Variants in FGFR3 observed in about 807,000 individuals in gnomAD.
FGFR3 encodes the protein fibroblast growth factor receptor 3.
FGFR3 carries 25 observed loss-of-function variants against 82.9 expected under a neutral mutation model. The ratio of observed to expected loss-of-function variants is 0.30; its 90% CI spans 0.22 to 0.42. The LOEUF (loss-of-function observed/expected upper bound fraction) is 0.42. Ranked by LOEUF, FGFR3 falls within the 10% of genes least tolerant of loss-of-function variation. FGFR3 has a pLI of 1.00. For missense variants in FGFR3, 1,026 were observed against 1,161.0 expected, an observed-to-expected ratio of 0.88 and a Z score of 1.69; for synonymous variants, 620 against 516.0, an observed-to-expected ratio of 1.20 and a Z score of -2.73.
Position 1,801,118 on chromosome 4 carries a change from C to T in FGFR3, c.446-249C>T, listed in dbSNP as rs550286133. On this transcript the variant is annotated intron_variant, in intron 4 of 17. Transcript: ENST00000440486. ...GGGCTCCCCTGGACAATGCCCTGTG[C>T]CCTGTGACTTCACAGGTCCGGGCAG... Among the ~76,000 whole-genome samples the T allele has an allele frequency of 7.2e-5, 11 of 152,288 alleles. No individual in the cohort carries two copies. In the South Asian group the frequency reaches 2.3e-3, roughly 32 times the overall value.
chr4:1,799,180 G>A, intron 2 of FGFR3, 74 bp from the exon 3 acceptor site: 1 of 1,604,796 alleles, frequency 6.2e-7, no homozygotes, highest in Non-Finnish European at 8.5e-7. Context: ...GGCCGCCGAG[G>A]CTTCCACTGC....
At chr4:1,799,128 C>T in intron 2 of FGFR3, 126 bp from the exon 3 acceptor site, 1 of 1,340,674 alleles carries the variant, frequency 7.5e-7, no homozygotes. Context: ...AGCCCCTGGT[C>T]TGGTGGGACC....
In FGFR3 at chr4:1,801,994, C is replaced by T. The variant is rs780313125; in HGVS notation, c.899C>T (p.Pro300Leu). The T allele has an allele frequency of 1.2e-5, 20 of 1,612,440 alleles. No homozygotes were observed. The highest frequency in any genetic ancestry group is 6.7e-5 in the African/African-American group (5 of 74,906). Residue 300 changes from proline (P) to leucine (L), a missense_variant, in exon 7 of 18, where the codon CCG (proline) becomes CTG (leucine). This residue lies in a region of FGFR3 where 147 missense variants were observed against 228.1 expected (regional missense o/e 0.64). Transcript: ENST00000440486. ...HVEVNGSKVGPDGTPYVTVLK... is the reference protein window; with the variant it reads ...HVEVNGSKVGLDGTPYVTVLK... ...GAGGTGAATGGCAGCAAGGTGGGCC[C>T]GGACGGCACACCCTACGTTACCGTG...
intron 7 of FGFR3, 23 bp downstream of exon 7, chr4:1,802,048 G>C (rs781597627): frequency 5.6e-6 from 9 of 1,602,846 alleles, no homozygotes; most frequent in Non-Finnish European, 7.7e-6. Flanking sequence ...GTGCACGTGG[G>C]TGCCGCCGCT....
At chr4:1,799,834 C>T (rs1032368406) in intron 4 of FGFR3, 22 bp downstream of exon 4, 3 of 1,611,384 alleles carry the variant, frequency 1.9e-6, no homozygotes, top group African/African-American at 2.7e-5. Flanking sequence ...GTCCAGGGTT[C>T]AGGCCAGCCG....
At chr4:1,793,807 AACG>A (rs1720129096) in intron 1 of FGFR3, 23 bp from the exon 2 acceptor site, 2 of 173,622 alleles carry the variant, frequency 1.2e-5, no homozygotes, top group African/African-American at 4.8e-5. Context: ...CCGCCCCTCT[AACG>A]AGCTGCCTTC....
intron 2 of FGFR3, among the ~76,000 whole-genome samples, chr4:1,794,266 G>T (rs1209520771): frequency 6.6e-6 from 1 of 152,224 alleles, no homozygotes; most frequent in East Asian, 1.9e-4. Context: ...AGGCCACCAC[G>T]GGGAGCCAGG....
rs376969042 is a variant in FGFR3 at position 1,798,715 on chromosome 4, T to C, written c.110-539T>C. ...GGCTCATATGGGGTGCGGGGGCTAC[T>C]GAGGACGGACCCCTCCTGGGGTGAA... is the stretch of plus-strand genomic sequence containing the variant. On this transcript the variant is annotated intron_variant, in intron 2 of 17. Transcript: ENST00000440486. Among the ~76,000 whole-genome samples, 50 of 152,216 alleles carry C rather than the reference T, an allele frequency of 3.3e-4. No individual in the cohort carries two copies. The South Asian group carries it at 8.5e-3, about 26-fold the overall frequency.
chr4:1,803,259 A>G (rs1577280663), intron 7 of FGFR3: 6 of 665,040 alleles, frequency 9.0e-6, no homozygotes, highest in Non-Finnish European at 1.1e-5. Flanking sequence ...GCCTGCGCCG[A>G]CCCTTCCCGC....
intron 4 of FGFR3, 114 bp from the exon 5 acceptor site, chr4:1,801,253 C>A (rs1399397575): frequency 1.7e-6 from 2 of 1,207,652 alleles, no homozygotes; most frequent in Non-Finnish European, 2.3e-6. Flanking sequence ...TCTTCCTACA[C>A]AGGACGGGAA....
rs1331865284 is a variant in FGFR3, at chr4:1,807,962, C to T, written c.*700C>T. 7.9e-6 allele frequency: 2 copies of T among 251,790 alleles called. No homozygotes were observed. The highest frequency in any genetic ancestry group is 1.5e-5 in the Non-Finnish European group (2 of 129,486). The allele number at this position is 251,790 out of a possible 1,614,324, so 15.6% of individuals were successfully genotyped here. ...GCTGGTACAACGGAGGCCTGCGACCCTGGGGGCACAGGAGGCAGGCATGGC... is the reference window on the plus strand; with the variant it reads ...GCTGGTACAACGGAGGCCTGCGACCTTGGGGGCACAGGAGGCAGGCATGGC... On this transcript the variant is annotated 3_prime_UTR_variant, in exon 18 of 18. Coordinates refer to ENST00000440486, the MANE Select transcript of FGFR3 (RefSeq NM_000142.5).
rs17879364 is a variant in FGFR3, at chr4:1,807,267, C to G, written c.*5C>G. On this transcript the variant is annotated 3_prime_UTR_variant, in exon 18 of 18. Transcript: ENST00000440486. ...AGTGGGGGCTCGCGGACGTGAAGGG[C>G]CACTGGTCCCCAACAATGTGAGGGG... The G allele has an allele frequency of 3.5e-4, 561 of 1,591,548 alleles. 2 individuals carry two copies. The African/African-American group carries it at 6.8e-3, about 19-fold the overall frequency.
At chr4:1,806,234 A>G (rs1577292079) in intron 14 of FGFR3, 23 bp from the exon 15 acceptor site, 1 of 1,612,532 alleles carries the variant, frequency 6.2e-7, no homozygotes, top group Non-Finnish European at 8.5e-7. Flanking sequence ...TGGCGCCAAC[A>G]CCGCCTTCCC....
rs1212733931 is a variant in FGFR3, at chr4:1,803,832, G to T, written c.1071G>T (p.Leu357=). The change falls in exon 8 of 18, where the codon CTG becomes CTT. Residue 357 remains leucine, a synonymous_variant. Transcript: ENST00000440486. The part of the protein sequence containing the change: ...FSHHSAWLVV[L]PAEEELVEAD... ...ATCACTCTGCGTGGCTGGTGGTGCT[G>T]CCAGGTACCGGCTTCTGCTGCTGCT... 8 of 1,613,728 alleles carry T rather than the reference G, an allele frequency of 5.0e-6. No homozygotes were observed. Among genetic ancestry groups the T allele is most frequent in the Non-Finnish European group, 6.8e-6 (8 of 1,179,936 alleles).
rs978777215 is a variant in FGFR3, at chr4:1,805,216, G to C, written c.1413-139G>C. The C allele has an allele frequency of 2.0e-6, 3 of 1,491,834 alleles. No individual in the cohort carries two copies. The African/African-American group carries it at 4.1e-5, about 20-fold the overall frequency. The allele number at this position is 1,491,834 out of a possible 1,614,324, so 92.4% of individuals were successfully genotyped here. ...GTGACACTCTTCGTCCTTACGAGCA[G>C]GCTGTAGGGGGAGCATGGAGGGCTT... On this transcript the variant is annotated intron_variant, in intron 10 of 17. Coordinates refer to ENST00000440486, the MANE Select transcript of FGFR3 (RefSeq NM_000142.5).
Position 1,796,589 on chromosome 4 carries a change from G to C in FGFR3, c.109+2546G>C, listed in dbSNP as rs561880015. On this transcript the variant is annotated intron_variant, in intron 2 of 17. Coordinates refer to ENST00000440486, the MANE Select transcript of FGFR3 (RefSeq NM_000142.5). ...GGAAGCGAGTCTGGATTTGATCCTT[G>C]TTCTCTGGGGTCAACCCGAGGGGCT... Among the ~76,000 whole-genome samples the C allele has an allele frequency of 2.0e-5, 3 of 152,246 alleles. No individual in the cohort carries two copies. In the South Asian group the frequency reaches 6.2e-4, roughly 32 times the overall value.
intron 2 of FGFR3, 38 bp downstream of exon 2, chr4:1,794,081 C>T (rs768483173): frequency 2.2e-5 from 27 of 1,244,058 alleles, no homozygotes; most frequent in Middle Eastern, 2.1e-4. Context: ...GAGGCCGGCC[C>T]GTGCGGGCAG....
Position 1,801,467 on chromosome 4 carries a change from C to T in FGFR3, c.546C>T (p.Pro182=), listed in dbSNP as rs958131079. The T allele has an allele frequency of 3.2e-6, 5 of 1,554,354 alleles. No homozygotes were observed. The highest frequency in any genetic ancestry group is 4.4e-6 in the Non-Finnish European group (5 of 1,149,298). The change falls in exon 5 of 18, where the codon CCC becomes CCT. Residue 182 remains proline, a synonymous_variant. Transcript: ENST00000440486. ...VRFRCPAAGN[P]TPSISWLKNG... is the part of the protein sequence containing the mutation. ...TCCGCTGCCCAGCCGCTGGCAACCC[C>T]ACTCCCTCCATCTCCTGGCTGAAGA... is the stretch of plus-strand genomic sequence containing the variant.
In FGFR3 at chr4:1,806,821, G is replaced by T. The variant is rs757479928; in HGVS notation, c.2169-8G>T. The T allele has an allele frequency of 2.5e-6, 4 of 1,599,048 alleles. No individual in the cohort carries two copies. In the Admixed American group the frequency reaches 5.1e-5, roughly 21 times the overall value. The stretch of plus-strand genomic sequence containing the variant: ...GGCGGGGCTCACTCCTGAGCGCCCT[G>T]CCCGCAGGTACATGATCATGCGGGA... On this transcript the variant is annotated splice_region_variant and splice_polypyrimidine_tract_variant and intron_variant, in intron 16 of 17. Coordinates refer to ENST00000440486, the MANE Select transcript of FGFR3 (RefSeq NM_000142.5).
Sources: gnomAD v4.1 joint callset for allele counts (sites outside exome capture counted in the v4.1 genomes callset) on GRCh38, gnomAD v4.1.1 for gene constraint, gnomAD v4.1.1 regional missense constraint, MANE v1.5 for transcripts, NCBI Gene and HGNC (gene_info 2026-07-23, HGNC 2026-07-21) for gene names.